Variants in APBB2 observed in about 807,000 individuals in gnomAD.
APBB2 encodes the protein amyloid beta precursor protein binding family B member 2.
A neutral mutation model predicts 82.5 loss-of-function variants in APBB2; 38 were observed. The observed-to-expected ratio is 0.46, with a 90% CI of 0.36 to 0.60. The LOEUF (loss-of-function observed/expected upper bound fraction) is 0.60, where lower values mean the gene tolerates loss of function less well. APBB2 is among the 20% of genes least tolerant of loss of function. The pLI, the probability that APBB2 is intolerant of heterozygous loss-of-function variation, is 0.00. For missense variants in APBB2, 772 were observed against 972.3 expected (o/e 0.79, Z 2.74); for synonymous variants, 341 against 368.2 (o/e 0.93, Z 0.85).
chr4:41,174,965 C>T (rs1435390753), intron 1 of APBB2, among the ~76,000 whole-genome samples: 1 of 152,164 alleles, frequency 6.6e-6, no homozygotes, highest in Non-Finnish European at 1.5e-5. Context: ...CCTGAGCGTT[C>T]CAGAATTCCT....
At chr4:41,012,901 G>A (rs1808795321) in intron 6 of APBB2, among the ~76,000 whole-genome samples, 1 of 152,164 alleles carries the variant, frequency 6.6e-6, no homozygotes, top group Non-Finnish European at 1.5e-5. Flanking sequence ...GTTCATTTCT[G>A]TCACCATTTT....
intron 10 of APBB2, among the ~76,000 whole-genome samples, chr4:40,894,201 T>A (rs1053233322): frequency 1.3e-5 from 2 of 150,264 alleles, no homozygotes; most frequent in African/African-American, 4.9e-5. Context: ...AGCAGAAGAA[T>A]GGCGTGAACC....
chr4:40,909,791 T>C (rs1778051743), intron 10 of APBB2, among the ~76,000 whole-genome samples: 1 of 152,242 alleles, frequency 6.6e-6, no homozygotes, highest in African/African-American at 2.4e-5. Flanking sequence ...GAGTGTTTTA[T>C]ATACAAGTCT....
intron 12 of APBB2, among the ~76,000 whole-genome samples, chr4:40,855,614 T>G (rs758380272): frequency 6.6e-6 from 1 of 152,056 alleles, no homozygotes; most frequent in Non-Finnish European, 1.5e-5. Context: ...TGTGCACTTA[T>G]AGTCCCAGCT....
chr4:40,995,264 C>G (rs1803323375), intron 6 of APBB2, among the ~76,000 whole-genome samples: 2 of 152,150 alleles, frequency 1.3e-5, no homozygotes, highest in Admixed American at 1.3e-4. Context: ...AATCTAACAC[C>G]TAGGAGAGTG....
At chr4:41,017,566 G>A (rs1258430600) in intron 5 of APBB2, among the ~76,000 whole-genome samples, 1 of 152,160 alleles carries the variant, frequency 6.6e-6, no homozygotes, top group Non-Finnish European at 1.5e-5. Context: ...ATAGTACTTG[G>A]TTTACATGAC....
At chr4:41,023,252 T>C (rs923580048) in intron 5 of APBB2, among the ~76,000 whole-genome samples, 9 of 152,198 alleles carry the variant, frequency 5.9e-5, no homozygotes, top group African/African-American at 9.7e-5. Flanking sequence ...ATGGGGGGCA[T>C]GAGTTAGCAG....
At chr4:41,158,905 C>T (rs190678316) in intron 1 of APBB2, among the ~76,000 whole-genome samples, 1 of 152,248 alleles carries the variant, frequency 6.6e-6, no homozygotes, top group Admixed American at 6.5e-5. Flanking sequence ...GCCGAGATTC[C>T]ATCCCAGGTG....
In APBB2 at chr4:41,160,038, A is replaced by AAGAAG. The variant is rs1247891414; in HGVS notation, c.-416-16897_-416-16896insCTTCT. On this transcript the variant is annotated intron_variant, in intron 1 of 17. Coordinates refer to ENST00000508593, the MANE Select transcript of APBB2 (RefSeq NM_004307.2). Reference sequence around the variant, plus strand: ...AGAAGAAGAAGAAGAAGAAGAAGAAAACATCACAGGATGCTGTTTTGCGGA... The same window carrying AAGAAG: ...AGAAGAAGAAGAAGAAGAAGAAGAAAAGAAGACATCACAGGATGCTGTTTTGCGGA... Among the ~76,000 whole-genome samples, 19 of 123,198 alleles carry AAGAAG rather than the reference A, an allele frequency of 1.5e-4. 1 individual carries two copies. The highest frequency in any genetic ancestry group is 5.2e-4 in the African/African-American group (15 of 29,034). 80.8% of individuals were successfully genotyped at this position (123,198 alleles called of 152,430 possible). A position where few individuals can be genotyped will look rare whatever the true frequency, so the allele number is the denominator to read the frequency against.
At chr4:41,180,478 T>A (rs1243137691) in intron 1 of APBB2, among the ~76,000 whole-genome samples, 1 of 151,812 alleles carries the variant, frequency 6.6e-6, no homozygotes, top group Admixed American at 6.6e-5. Flanking sequence ...TAAATTAAAT[T>A]GAATTAGCCA....
intron 1 of APBB2, among the ~76,000 whole-genome samples, chr4:41,209,466 A>G (rs954326245): frequency 6.6e-6 from 1 of 152,238 alleles, no homozygotes; most frequent in African/African-American, 2.4e-5. Context: ...GGCTAACGTC[A>G]AATGAGAGTG....
At chr4:41,125,224 T>C (rs1238165016) in intron 2 of APBB2, among the ~76,000 whole-genome samples, 1 of 152,236 alleles carries the variant, frequency 6.6e-6, no homozygotes, top group Non-Finnish European at 1.5e-5. Context: ...AGATTTTAAA[T>C]TTCACTCAAT....
intron 12 of APBB2, among the ~76,000 whole-genome samples, chr4:40,883,603 T>G (rs1173659736): frequency 6.6e-6 from 1 of 151,232 alleles, no homozygotes; most frequent in Non-Finnish European, 1.5e-5. Context: ...AAAGAAAAAC[T>G]TACTCAAGCT....
rs1560618433 is a variant in APBB2, at chr4:40,826,144, G to A, written c.1733-174C>T. ...AAGAGCAGCATTACTCCAGATATTGGGGCTCTGTTAAAATCCTGTTCAACT... is the reference window on the plus strand; with the variant it reads ...AAGAGCAGCATTACTCCAGATATTGAGGCTCTGTTAAAATCCTGTTCAACT... On this transcript the variant is annotated intron_variant, in intron 14 of 17. Transcript: ENST00000508593. This position sits in a 1 kb window ranked among gnomAD's most constrained non-coding sequence, Gnocchi z 4.5. 5.0e-6 allele frequency: 3 copies of A among 600,132 alleles called. No individual in the cohort carries two copies. The highest frequency in any genetic ancestry group is 6.1e-6 in the Non-Finnish European group (2 of 330,220). 37.2% of individuals were successfully genotyped at this position (600,132 alleles called of 1,614,324 possible). A position where few individuals can be genotyped will look rare whatever the true frequency, so the allele number is the denominator to read the frequency against.
intron 12 of APBB2, among the ~76,000 whole-genome samples, chr4:40,843,561 G>T (rs759680543): frequency 7.9e-5 from 12 of 152,202 alleles, no homozygotes; most frequent in Non-Finnish European, 1.6e-4. Context: ...TATGGAAAGA[G>T]GATTATGGAG....
chr4:40,870,734 CTT>C (rs34591003), intron 12 of APBB2, among the ~76,000 whole-genome samples: 37 of 130,584 alleles, frequency 2.8e-4, no homozygotes, highest in Non-Finnish European at 2.3e-4. Flanking sequence ...TATACACACT[CTT>C]TTTTTTTTTT....
chr4:41,000,690 C>G (rs1312988167), intron 6 of APBB2, among the ~76,000 whole-genome samples: 1 of 152,140 alleles, frequency 6.6e-6, no homozygotes, highest in African/African-American at 2.4e-5. Flanking sequence ...TCATGGACTG[C>G]AAGGAACTCT....
At chr4:40,895,074 G>C (rs1243822393) in intron 10 of APBB2, among the ~76,000 whole-genome samples, 1 of 152,140 alleles carries the variant, frequency 6.6e-6, no homozygotes, top group Non-Finnish European at 1.5e-5. Flanking sequence ...ATACAGCAAA[G>C]TGTCCTGAAG....
intron 1 of APBB2, among the ~76,000 whole-genome samples, chr4:41,149,108 T>C (rs924218802): frequency 6.6e-6 from 1 of 152,060 alleles, no homozygotes; most frequent in African/African-American, 2.4e-5. Context: ...CGCTCTGAGG[T>C]TTGAGGGATT....
Sources: gnomAD v4.1 joint callset for allele counts (sites outside exome capture counted in the v4.1 genomes callset) on GRCh38, gnomAD v4.1.1 for gene constraint, Gnocchi (gnomAD v3.1) non-coding constraint, MANE v1.5 for transcripts, NCBI Gene and HGNC (gene_info 2026-07-23, HGNC 2026-07-21) for gene names.